The following CSMD1 variants were observed in gnomAD, a reference collection of about 807,000 sequenced individuals.
CSMD1 encodes the protein CUB and sushi domain-containing protein 1.
In CSMD1, 213 loss-of-function variants were observed where a neutral mutation model predicts 417.5. The ratio of observed to expected loss-of-function variants is 0.51; its 90% confidence interval spans 0.46 to 0.57. CSMD1 has a LOEUF of 0.57. Among genes scored for constraint, CSMD1 ranks in the 20% least tolerant of loss-of-function variants. The pLI is 0.00. For synonymous variants in CSMD1, 2,862 were observed against 1,736.8 expected, an observed-to-expected ratio of 1.65 and a Z score of -16.11; for missense variants, 6,923 against 4,529.7, an observed-to-expected ratio of 1.53 and a Z score of -15.17.
intron 3 of CSMD1, among the ~76,000 whole-genome samples, chr8:4,348,974 T>G (rs966987675): frequency 6.6e-6 from 1 of 152,166 alleles, no homozygotes; most frequent in Admixed American, 6.5e-5. Flanking sequence ...TTGCACCATA[T>G]GCAAAAACAG....
chr8:2,961,720 G>A (rs1408552494), intron 61 of CSMD1, among the ~76,000 whole-genome samples: 1 of 152,164 alleles, frequency 6.6e-6, no homozygotes, highest in Non-Finnish European at 1.5e-5. Flanking sequence ...CAGGACTTGG[G>A]TAACCCAGTG....
intron 3 of CSMD1, among the ~76,000 whole-genome samples, chr8:4,141,162 C>A (rs574157253): frequency 6.6e-6 from 1 of 151,316 alleles, no homozygotes; most frequent in South Asian, 2.1e-4. Flanking sequence ...CAGAACGTGT[C>A]TCTCACAGTT....
intron 2 of CSMD1, among the ~76,000 whole-genome samples, chr8:4,480,413 T>A (rs926044823): frequency 6.6e-6 from 1 of 152,146 alleles, no homozygotes; most frequent in East Asian, 1.9e-4. Flanking sequence ...GTAAAGCGCG[T>A]TAACATCCTT....
At chr8:4,030,181 G>T (rs73509306) in intron 4 of CSMD1, among the ~76,000 whole-genome samples, 1 of 127,276 alleles carries the variant, frequency 7.9e-6, no homozygotes, top group African/African-American at 3.0e-5. Flanking sequence ...AAGGATGGTA[G>T]CCTTCTTCTC....
At chr8:4,847,336 A>T (rs1313261342) in intron 1 of CSMD1, among the ~76,000 whole-genome samples, 2 of 152,232 alleles carry the variant, frequency 1.3e-5, no homozygotes, top group Non-Finnish European at 2.9e-5. Context: ...TGCACATTTG[A>T]ATCCTAAACA....
chr8:3,683,144 T>A (rs980622328), intron 7 of CSMD1, among the ~76,000 whole-genome samples: 2 of 151,988 alleles, frequency 1.3e-5, no homozygotes, highest in East Asian at 1.9e-4. Flanking sequence ...CATGTATACA[T>A]ATGTAACAAA....
At chr8:3,295,895 G>T (rs187309929) in intron 25 of CSMD1, among the ~76,000 whole-genome samples, 1 of 151,784 alleles carries the variant, frequency 6.6e-6, no homozygotes. Context: ...ACATTTACTC[G>T]GCACCAAGAG....
chr8:4,159,035 C>A (rs1162753402), intron 3 of CSMD1, among the ~76,000 whole-genome samples: 1 of 152,174 alleles, frequency 6.6e-6, no homozygotes, highest in East Asian at 1.9e-4. Context: ...CCTGCCTCAG[C>A]CTCCATAGTA....
intron 5 of CSMD1, among the ~76,000 whole-genome samples, chr8:3,981,968 G>C (rs540171782): frequency 1.3e-5 from 2 of 151,974 alleles, no homozygotes; most frequent in Non-Finnish European, 2.9e-5. Flanking sequence ...TCAGGAGATT[G>C]AGACCATCCT....
At chr8:4,622,004 T>C (rs368952269) in intron 2 of CSMD1, among the ~76,000 whole-genome samples, 1 of 151,914 alleles carries the variant, frequency 6.6e-6, no homozygotes, top group African/African-American at 2.4e-5. Context: ...CTCAGCAAAC[T>C]ACTAATGATA....
At chr8:3,613,735 ACACC>A (rs1050365832) in intron 8 of CSMD1, among the ~76,000 whole-genome samples, 8 of 141,968 alleles carry the variant, frequency 5.6e-5, no homozygotes, top group African/African-American at 2.2e-4. Flanking sequence ...ACACACACAC[ACACC>A]TCAAAAAATT....
intron 5 of CSMD1, among the ~76,000 whole-genome samples, chr8:3,784,927 C>A (rs2720745): frequency 0.99 from 151,533 of 152,334 alleles, 75,375 homozygotes; most frequent in Middle Eastern, 1. Flanking sequence ...AAACAAGTTT[C>A]CTGTTGAGCT....
At chr8:3,245,508 G>A (rs1039908091) in intron 26 of CSMD1, among the ~76,000 whole-genome samples, 2 of 152,176 alleles carry the variant, frequency 1.3e-5, no homozygotes, top group African/African-American at 4.8e-5. Context: ...TAAGCCTCCT[G>A]TCAGCTTTAA....
intron 3 of CSMD1, among the ~76,000 whole-genome samples, chr8:4,259,149 C>T (rs146503901): frequency 6.6e-6 from 1 of 152,318 alleles, no homozygotes; most frequent in African/African-American, 2.4e-5. Context: ...TACCTCCAAA[C>T]TATCTCACAC....
intron 3 of CSMD1, among the ~76,000 whole-genome samples, chr8:4,260,140 C>T (rs186775310): frequency 6.6e-4 from 100 of 152,232 alleles, no homozygotes; most frequent in Non-Finnish European, 3.4e-4. Flanking sequence ...TGCACCTGAT[C>T]TACAGTGGCT....
chr8:4,647,339 C>T (rs533753282), intron 1 of CSMD1, among the ~76,000 whole-genome samples: 183 of 149,954 alleles, frequency 1.2e-3, no homozygotes, highest in African/African-American at 3.9e-3. Context: ...CGGCCTGCTA[C>T]GTAGGTACGC....
intron 2 of CSMD1, among the ~76,000 whole-genome samples, chr8:4,595,814 C>G (rs1254975696): frequency 2.6e-5 from 4 of 152,304 alleles, no homozygotes; most frequent in Admixed American, 6.5e-5. Flanking sequence ...TTCTCTCTTT[C>G]AGAGCTCCTG....
chr8:4,746,683 G>A (rs566018476), intron 1 of CSMD1, among the ~76,000 whole-genome samples: 11 of 152,122 alleles, frequency 7.2e-5, no homozygotes, highest in Non-Finnish European at 1.0e-4. Flanking sequence ...TGCATCTGCT[G>A]CTGAGCACAT....
At chr8:3,275,716 C>A (rs571472278) in intron 26 of CSMD1, among the ~76,000 whole-genome samples, 14 of 152,296 alleles carry the variant, frequency 9.2e-5, no homozygotes, top group Admixed American at 4.6e-4. Context: ...TCCAGTTGAT[C>A]GCATCGGCTC....
Sources: allele counts gnomAD v4.1 joint callset (sites outside exome capture counted in the v4.1 genomes callset), GRCh38; gene constraint gnomAD v4.1.1; transcripts MANE v1.5; gene names NCBI Gene and HGNC (gene_info 2026-07-23, HGNC 2026-07-21).